The following RAPGEF4 variants were observed in gnomAD, a reference collection of about 807,000 sequenced individuals.
RAPGEF4 encodes the protein Rap guanine nucleotide exchange factor 4.
Under a neutral mutation model 147.9 loss-of-function variants are expected in RAPGEF4, and 66 were observed. The observed-to-expected ratio is 0.45, with a 90% CI of 0.37 to 0.55. The LOEUF is 0.55. RAPGEF4 is among the 20% of genes least tolerant of loss of function. The pLI is 0.00. For missense variants in RAPGEF4, 1,071 were observed against 1,257.3 expected (o/e 0.85, Z 2.24); for synonymous variants, 419 against 442.7 (o/e 0.95, Z 0.67).
At chr2:172,819,088 T>C (rs1688794730) in intron 4 of RAPGEF4, among the ~76,000 whole-genome samples, 1 of 152,300 alleles carries the variant, frequency 6.6e-6, no homozygotes, top group East Asian at 1.9e-4. Context: ...GGCACTTTTT[T>C]TTCTTTTGTA....
chr2:173,025,657 T>G (rs1575551383), intron 23 of RAPGEF4, among the ~76,000 whole-genome samples: 1 of 152,092 alleles, frequency 6.6e-6, no homozygotes, highest in Admixed American at 6.6e-5. Flanking sequence ...TGGCCAGGCT[T>G]GTCTTGAACT....
intron 10 of RAPGEF4, among the ~76,000 whole-genome samples, chr2:172,974,662 AAC>A (rs1315821709): frequency 2.0e-5 from 3 of 152,204 alleles, no homozygotes; most frequent in Non-Finnish European, 4.4e-5. Context: ...CAGCCTGGGC[AAC>A]AGAGTGAGAC....
chr2:172,965,918 C>T (rs1043643251), intron 9 of RAPGEF4, among the ~76,000 whole-genome samples: 3 of 152,198 alleles, frequency 2.0e-5, no homozygotes, highest in Admixed American at 6.5e-5. Flanking sequence ...AATGAAATTG[C>T]AGCCCGAGTG....
At chr2:172,857,868 C>T (rs1022278087) in intron 4 of RAPGEF4, among the ~76,000 whole-genome samples, 4 of 106,524 alleles carry the variant, frequency 3.8e-5, no homozygotes, top group Non-Finnish European at 5.8e-5. Flanking sequence ...ACTGACAGAG[C>T]AAGACCCTGT....
At position 172,865,723 on chromosome 2, in the gene RAPGEF4, C is replaced by G. The variant is rs3769287; in HGVS notation, c.444+51298C>G. Among the ~76,000 whole-genome samples the G allele has an allele frequency of 4.7e-4, 72 of 152,236 alleles. 1 individual carries two copies. The East Asian group carries it at 0.011, about 23-fold the overall frequency. ...CTGTCTTGGTGTTGGCCACTCCCCC[C>G]ACCACCCATTCCTCTTACCTCCATC... is the stretch of plus-strand genomic sequence containing the variant. On this transcript the variant is annotated intron_variant, in intron 4 of 30. Coordinates refer to ENST00000397081, the MANE Select transcript of RAPGEF4 (RefSeq NM_007023.4).
At chr2:172,917,741 A>G in intron 4 of RAPGEF4, 61 bp from the exon 5 acceptor site, 2 of 1,436,878 alleles carry the variant, frequency 1.4e-6, no homozygotes, top group Non-Finnish European at 2.0e-6. Context: ...TAACATGTAA[A>G]TAAATGAATG....
intron 17 of RAPGEF4, among the ~76,000 whole-genome samples, chr2:173,013,619 A>G (rs1327671433): frequency 1.3e-5 from 2 of 152,220 alleles, no homozygotes; most frequent in Non-Finnish European, 2.9e-5. Context: ...TGTAGAGCAT[A>G]CAAGAATGGA....
chr2:172,784,918 C>T (rs1246773227), intron 1 of RAPGEF4, among the ~76,000 whole-genome samples: 4 of 152,010 alleles, frequency 2.6e-5, no homozygotes, highest in East Asian at 1.9e-4. Context: ...CTCCACCTCC[C>T]GGGTTCAAGT....
chr2:172,960,181 T>A (rs1689141393), intron 6 of RAPGEF4, among the ~76,000 whole-genome samples: 1 of 152,172 alleles, frequency 6.6e-6, no homozygotes, highest in African/African-American at 2.4e-5. Context: ...CTCTGTACAC[T>A]TTCTTCTACT....
chr2:172,994,883 T>C (rs1693174213), intron 15 of RAPGEF4, among the ~76,000 whole-genome samples: 1 of 150,130 alleles, frequency 6.7e-6, no homozygotes, highest in African/African-American at 2.5e-5. Context: ...TCCCCTTCTC[T>C]CCTCCTCTAG....
chr2:172,951,807 T>C (rs532324183), intron 6 of RAPGEF4, among the ~76,000 whole-genome samples: 1 of 152,116 alleles, frequency 6.6e-6, no homozygotes, highest in Non-Finnish European at 1.5e-5. Context: ...AGAGAAGCCA[T>C]TGGAGGATTT....
chr2:172,873,834 C>G (rs1559089523), intron 4 of RAPGEF4, among the ~76,000 whole-genome samples: 2 of 152,170 alleles, frequency 1.3e-5, no homozygotes, highest in Non-Finnish European at 2.9e-5. Flanking sequence ...CTACAAAGAA[C>G]TCAACCAAAT....
At chr2:172,888,289 C>T (rs1326068930) in intron 4 of RAPGEF4, among the ~76,000 whole-genome samples, 1 of 152,204 alleles carries the variant, frequency 6.6e-6, no homozygotes, top group African/African-American at 2.4e-5. Context: ...GGGAAAAAAT[C>T]CGAGGCTGAA....
chr2:172,937,466 A>G (rs1385008916), intron 6 of RAPGEF4, among the ~76,000 whole-genome samples: 1 of 152,192 alleles, frequency 6.6e-6, no homozygotes, highest in Non-Finnish European at 1.5e-5. Context: ...TTTTCTCAAT[A>G]TTAGACTGGG....
At position 173,014,458 on chromosome 2, in the gene RAPGEF4, C is replaced by T. The variant is rs760822009; in HGVS notation, c.1659-6C>T. The T allele has an allele frequency of 2.4e-5, 38 of 1,613,458 alleles. No homozygotes were observed. Among genetic ancestry groups the T allele is most frequent in the Middle Eastern group, 3.3e-4 (2 of 6,082 alleles). ...TGGCTCAATTTCTTCCTTGACTCCT[C>T]GGCACCTACCACGCACAGCCTTCAC... is the stretch of plus-strand genomic sequence containing the variant. On this transcript the variant is annotated splice_polypyrimidine_tract_variant and splice_region_variant and intron_variant, in intron 17 of 30. Transcript: ENST00000397081.
chr2:172,997,731 G>A (rs968701520), intron 16 of RAPGEF4, among the ~76,000 whole-genome samples: 6 of 151,874 alleles, frequency 4.0e-5, no homozygotes, highest in African/African-American at 1.2e-4. Context: ...CCATAGAAGA[G>A]CCTTTCTCAC....
intron 1 of RAPGEF4, among the ~76,000 whole-genome samples, chr2:172,779,283 C>A (rs1293548307): frequency 2.0e-5 from 3 of 152,100 alleles, no homozygotes; most frequent in Non-Finnish European, 4.4e-5. Context: ...TGGAATAAAG[C>A]AATGCAGGGT....
At chr2:173,049,454 A>G (rs1032456139) in intron 30 of RAPGEF4, among the ~76,000 whole-genome samples, 9 of 152,182 alleles carry the variant, frequency 5.9e-5, no homozygotes, top group South Asian at 2.1e-4. Context: ...GAAGAAATTT[A>G]TCTCATTAAC....
At chr2:172,884,348 T>A (rs555665866) in intron 4 of RAPGEF4, among the ~76,000 whole-genome samples, 1 of 152,244 alleles carries the variant, frequency 6.6e-6, no homozygotes, top group Non-Finnish European at 1.5e-5. Flanking sequence ...GGGAGGTAGA[T>A]TGATTAGGAA....
Sources: gnomAD v4.1 joint callset for allele counts (sites outside exome capture counted in the v4.1 genomes callset) on GRCh38, gnomAD v4.1.1 for gene constraint, MANE v1.5 for transcripts, NCBI Gene and HGNC (gene_info 2026-07-23, HGNC 2026-07-21) for gene names.